Variants in ST6GALNAC3 observed in about 807,000 individuals in gnomAD.
ST6GALNAC3 encodes the protein alpha-N-acetylgalactosaminide alpha-2,6-sialyltransferase 3.
In ST6GALNAC3, 25 loss-of-function variants were observed where a neutral mutation model predicts 32.7. That is an observed-to-expected ratio of 0.76 (90% confidence interval 0.56 to 1.07). ST6GALNAC3 has a LOEUF of 1.07. ST6GALNAC3 is among the 50% of genes least tolerant of loss of function. The pLI is 0.00. For synonymous variants in ST6GALNAC3, 129 were observed against 133.1 expected (o/e 0.97, Z 0.21); for missense variants, 355 against 382.4 (o/e 0.93, Z 0.60).
intron 1 of ST6GALNAC3, among the ~76,000 whole-genome samples, chr1:76,239,342 T>C (rs141509354): frequency 6.6e-6 from 1 of 152,304 alleles, no homozygotes; most frequent in African/African-American, 2.4e-5. Context: ...GGAGAGAGGA[T>C]GTATTAATCC....
At chr1:76,389,746 A>T (rs1019259503) in intron 2 of ST6GALNAC3, among the ~76,000 whole-genome samples, 1 of 152,336 alleles carries the variant, frequency 6.6e-6, no homozygotes, top group Non-Finnish European at 1.5e-5. Flanking sequence ...TGGCATTTTA[A>T]TTGTTTACCT....
At chr1:76,190,088 G>A (rs190656302) in intron 1 of ST6GALNAC3, among the ~76,000 whole-genome samples, 7 of 152,202 alleles carry the variant, frequency 4.6e-5, no homozygotes, top group South Asian at 2.1e-4. Flanking sequence ...ATTATGTCTC[G>A]TTGGTATTTA....
intron 1 of ST6GALNAC3, among the ~76,000 whole-genome samples, chr1:76,240,510 T>C (rs896604901): frequency 6.6e-6 from 1 of 152,208 alleles, no homozygotes; most frequent in African/African-American, 2.4e-5. Flanking sequence ...TAAGTGTTCA[T>C]GGGTATGGAA....
chr1:76,251,314 T>G (rs1441291291), intron 1 of ST6GALNAC3, among the ~76,000 whole-genome samples: 1 of 152,168 alleles, frequency 6.6e-6, no homozygotes, highest in Non-Finnish European at 1.5e-5. Flanking sequence ...CTCTAATCCT[T>G]TGTCTACATT....
intron 2 of ST6GALNAC3, among the ~76,000 whole-genome samples, chr1:76,331,776 C>G (rs751342112): frequency 1.3e-5 from 2 of 152,144 alleles, no homozygotes; most frequent in Non-Finnish European, 2.9e-5. Context: ...TAATGGGAAA[C>G]AAATATTAAT....
rs566270861 is a variant in ST6GALNAC3 at position 76,446,422 on chromosome 1, G to A, written c.623+34005G>A. ...GATCTGGACAAATGTGTGGTCACATGTATCAATATTATAGCATCATAAAGA... is the reference window on the plus strand; with the variant it reads ...GATCTGGACAAATGTGTGGTCACATATATCAATATTATAGCATCATAAAGA... On this transcript the variant is annotated intron_variant, in intron 3 of 4. Coordinates refer to ENST00000328299, the MANE Select transcript of ST6GALNAC3 (RefSeq NM_152996.4). Among the ~76,000 whole-genome samples the A allele has an allele frequency of 2.2e-4, 34 of 152,262 alleles. No individual in the cohort carries two copies. The South Asian group carries it at 4.4e-3, about 20-fold the overall frequency.
intron 1 of ST6GALNAC3, among the ~76,000 whole-genome samples, chr1:76,282,277 ACATATTCATACC>A (rs60458302): frequency 0.12 from 17,461 of 151,824 alleles, 1,075 homozygotes; most frequent in Middle Eastern, 0.17. Flanking sequence ...ACTTAGGGAC[ACATATTCATACC>A]CATGTGTGTA....
intron 1 of ST6GALNAC3, among the ~76,000 whole-genome samples, chr1:76,150,284 C>T (rs926613960): frequency 1.3e-5 from 2 of 152,144 alleles, no homozygotes; most frequent in Admixed American, 1.3e-4. Context: ...AAGCAGGCTT[C>T]GTTCAAGTTG....
At chr1:76,223,552 C>T (rs957122199) in intron 1 of ST6GALNAC3, among the ~76,000 whole-genome samples, 4 of 152,036 alleles carry the variant, frequency 2.6e-5, no homozygotes, top group African/African-American at 9.7e-5. Context: ...TACCCCTGAA[C>T]TTAAAATAAA....
At chr1:76,417,791 A>G (rs1161877250) in intron 3 of ST6GALNAC3, among the ~76,000 whole-genome samples, 1 of 152,176 alleles carries the variant, frequency 6.6e-6, no homozygotes, top group Non-Finnish European at 1.5e-5. Flanking sequence ...TGCCCTAAAT[A>G]GGTCTTAATT....
chr1:76,355,999 T>C (rs917634881), intron 2 of ST6GALNAC3, among the ~76,000 whole-genome samples: 1 of 152,220 alleles, frequency 6.6e-6, no homozygotes, highest in Non-Finnish European at 1.5e-5. Flanking sequence ...AGTGATATTT[T>C]ATAGGCAATA....
At chr1:76,188,327 A>T (rs1170733053) in intron 1 of ST6GALNAC3, among the ~76,000 whole-genome samples, 1 of 152,080 alleles carries the variant, frequency 6.6e-6, no homozygotes, top group East Asian at 1.9e-4. Context: ...ACACCACTGC[A>T]CTCCAGCCTG....
At position 76,509,210 on chromosome 1, in the gene ST6GALNAC3, GCAAA is replaced by G. The variant is rs1661679250; in HGVS notation, c.623+96800_623+96803del. Among the ~76,000 whole-genome samples the G allele has an allele frequency of 2.0e-5, 3 of 152,222 alleles. No homozygotes were observed. In the South Asian group the frequency reaches 6.2e-4, roughly 32 times the overall value. ...AGTGCAGTCTAGGACAAATAAACAG[GCAAA>G]CAAACAGGAAAACACAAATTGGAAG... On this transcript the variant is annotated intron_variant, in intron 3 of 4. Transcript: ENST00000328299. This position sits in a 1 kb window ranked among gnomAD's most constrained non-coding sequence, Gnocchi z 5.5.
At chr1:76,224,048 C>T (rs1207623139) in intron 1 of ST6GALNAC3, among the ~76,000 whole-genome samples, 2 of 152,142 alleles carry the variant, frequency 1.3e-5, no homozygotes, top group African/African-American at 4.8e-5. Context: ...CAGCCACCAG[C>T]CGTGACGTGA....
chr1:76,568,703 G>T (rs534862856), intron 3 of ST6GALNAC3, among the ~76,000 whole-genome samples: 3 of 152,222 alleles, frequency 2.0e-5, no homozygotes, highest in African/African-American at 7.2e-5. Context: ...CAGACACGCA[G>T]TATAGTGCTT....
chr1:76,191,440 G>T (rs1057017147), intron 1 of ST6GALNAC3, among the ~76,000 whole-genome samples: 2 of 152,136 alleles, frequency 1.3e-5, no homozygotes, highest in African/African-American at 4.8e-5. Context: ...GGAAGACTGC[G>T]TTCCGGTGTT....
At chr1:76,323,773 G>T (rs1289786955) in intron 2 of ST6GALNAC3, among the ~76,000 whole-genome samples, 2 of 152,048 alleles carry the variant, frequency 1.3e-5, no homozygotes, top group Non-Finnish European at 2.9e-5. Context: ...TAACTGTGAT[G>T]GTCTATATCT....
intron 1 of ST6GALNAC3, among the ~76,000 whole-genome samples, chr1:76,124,319 T>C (rs1649093175): frequency 6.6e-6 from 1 of 152,106 alleles, no homozygotes; most frequent in South Asian, 2.1e-4. Flanking sequence ...GAACAAATCA[T>C]GCGCATTCTT....
intron 3 of ST6GALNAC3, among the ~76,000 whole-genome samples, chr1:76,426,147 A>C (rs528835014): frequency 6.6e-6 from 1 of 151,456 alleles, no homozygotes; most frequent in African/African-American, 2.4e-5. Flanking sequence ...TCCCACCCCC[A>C]ACTCTCCCTT....
Sources: gnomAD v4.1 joint callset for allele counts (sites outside exome capture counted in the v4.1 genomes callset) on GRCh38, gnomAD v4.1.1 for gene constraint, Gnocchi (gnomAD v3.1) non-coding constraint, MANE v1.5 for transcripts, NCBI Gene and HGNC (gene_info 2026-07-23, HGNC 2026-07-21) for gene names.